The following AFG2A variants were observed in gnomAD, a reference collection of about 807,000 sequenced individuals.
AFG2A encodes AAA ATPase AFG2A.
chr4:123,166,905 G>A, the AFG2A span, among the ~76,000 whole-genome samples: 248 of 152,052 alleles, frequency 1.6e-3, 1 homozygote, highest in Middle Eastern at 0.014. Flanking sequence ...ACTTTTTATA[G>A]AAAGGAGTAT....
At chr4:123,150,201 T>C in the AFG2A span, among the ~76,000 whole-genome samples, 1 of 152,198 alleles carries the variant, frequency 6.6e-6, no homozygotes, top group African/African-American at 2.4e-5. Flanking sequence ...AGCATTCCCT[T>C]TGAAAACTGG....
At chr4:123,306,841 G>A in the AFG2A span, among the ~76,000 whole-genome samples, 1 of 152,192 alleles carries the variant, frequency 6.6e-6, no homozygotes, top group Non-Finnish European at 1.5e-5. Context: ...TGGCCAAAAC[G>A]TTTTTGTTTT....
chr4:123,058,562 T>C, the AFG2A span, among the ~76,000 whole-genome samples: 5 of 151,874 alleles, frequency 3.3e-5, no homozygotes. Context: ...GAGGTGGAGG[T>C]TGCGGTGAGC....
the AFG2A span, chr4:123,028,107 A>T: frequency 8.5e-7 from 1 of 1,181,842 alleles, no homozygotes; most frequent in Non-Finnish European, 1.2e-6. Flanking sequence ...TTCTTCTGTT[A>T]ATGATATGTT....
chr4:123,242,514 A>G, the AFG2A span, among the ~76,000 whole-genome samples: 3 of 152,244 alleles, frequency 2.0e-5, no homozygotes, highest in African/African-American at 4.8e-5. Context: ...TTCCCTATTT[A>G]ATACATGGTG....
At chr4:123,167,230 T>C in the AFG2A span, among the ~76,000 whole-genome samples, 1 of 148,678 alleles carries the variant, frequency 6.7e-6, no homozygotes, top group Non-Finnish European at 1.5e-5. Flanking sequence ...TACTTACATA[T>C]AGATATCTAT....
the AFG2A span, among the ~76,000 whole-genome samples, chr4:123,198,894 A>G: frequency 6.6e-6 from 1 of 152,222 alleles, no homozygotes; most frequent in East Asian, 1.9e-4. Context: ...TAGATGAGGC[A>G]TGAACTTGAA....
At chr4:123,151,522 T>A in the AFG2A span, among the ~76,000 whole-genome samples, 2 of 151,880 alleles carry the variant, frequency 1.3e-5, no homozygotes, top group African/African-American at 4.8e-5. Context: ...CCAACAAACA[T>A]AAGAAAAAAA....
the AFG2A span, among the ~76,000 whole-genome samples, chr4:123,137,791 G>C: frequency 6.6e-6 from 1 of 151,992 alleles, no homozygotes; most frequent in Non-Finnish European, 1.5e-5. Flanking sequence ...TGAATTATTG[G>C]AATATTTTTT....
chr4:123,301,686 A>G, the AFG2A span, among the ~76,000 whole-genome samples: 1 of 152,208 alleles, frequency 6.6e-6, no homozygotes, highest in South Asian at 2.1e-4. Flanking sequence ...ACAAGGACCT[A>G]TCTTCATCTG....
At chr4:123,034,240 T>C in the AFG2A span, among the ~76,000 whole-genome samples, 1 of 152,070 alleles carries the variant, frequency 6.6e-6, no homozygotes, top group Non-Finnish European at 1.5e-5. Context: ...CTTGAGTATG[T>C]GTGCATTTTG....
the AFG2A span, among the ~76,000 whole-genome samples, chr4:123,247,770 A>C: frequency 6.6e-6 from 1 of 151,946 alleles, no homozygotes; most frequent in African/African-American, 2.4e-5. Flanking sequence ...TCTCATAACT[A>C]TTTCTGCTTT....
the AFG2A span, among the ~76,000 whole-genome samples, chr4:123,012,251 A>G: frequency 7.9e-6 from 1 of 126,468 alleles, no homozygotes; most frequent in Non-Finnish European, 1.6e-5. Context: ...GCCCCCCAGG[A>G]AAGTGGAAAA....
At chr4:123,180,038 G>A in the AFG2A span, among the ~76,000 whole-genome samples, 433 of 152,082 alleles carry the variant, frequency 2.8e-3, 2 homozygotes, top group African/African-American at 9.2e-3. Context: ...TGGCCAACCT[G>A]GTGAAATCTC....
chr4:123,012,930 T>G, the AFG2A span, among the ~76,000 whole-genome samples: 1 of 152,206 alleles, frequency 6.6e-6, no homozygotes. Flanking sequence ...GGCCCCCCTA[T>G]CCGAGTCACG....
At chr4:123,206,643 T>A in the AFG2A span, among the ~76,000 whole-genome samples, 1 of 152,202 alleles carries the variant, frequency 6.6e-6, no homozygotes, top group Non-Finnish European at 1.5e-5. Flanking sequence ...TACTGAAGTG[T>A]GTTTTCCTTT....
chr4:123,268,155 TA>T, the AFG2A span, among the ~76,000 whole-genome samples: 2 of 151,734 alleles, frequency 1.3e-5, no homozygotes, highest in African/African-American at 4.8e-5. Context: ...AAGCTAAAAA[TA>T]GACAGTCTAA....
the AFG2A span, among the ~76,000 whole-genome samples, chr4:123,103,583 T>C: frequency 2.6e-5 from 4 of 152,120 alleles, no homozygotes; most frequent in African/African-American, 9.7e-5. Context: ...CTGTTTCATT[T>C]TTAAAAATAC....
the AFG2A span, among the ~76,000 whole-genome samples, chr4:123,017,090 T>C: frequency 6.7e-6 from 1 of 149,752 alleles, no homozygotes; most frequent in Non-Finnish European, 1.5e-5. Flanking sequence ...CAGCTTCGGC[T>C]CGGCATCAGT....
Sources: gnomAD v4.1 joint callset for allele counts (sites outside exome capture counted in the v4.1 genomes callset) on GRCh38, gnomAD v4.1.1 for gene constraint, MANE v1.5 for transcripts, NCBI Gene and HGNC (gene_info 2026-07-23, HGNC 2026-07-21) for gene names.